Variants in ITGA9 observed in about 807,000 individuals in gnomAD.
ITGA9 encodes the protein integrin subunit alpha 9, also known as integrin alpha-9.
A neutral mutation model predicts 127.8 loss-of-function variants in ITGA9; 56 were observed. The ratio of observed to expected loss-of-function variants is 0.44; its 90% CI spans 0.35 to 0.55. ITGA9 has a LOEUF of 0.55. ITGA9 is among the 20% of genes least tolerant of loss of function. ITGA9 has a pLI of 0.00. For synonymous variants in ITGA9, 508 were observed against 514.5 expected, an observed-to-expected ratio of 0.99 and a Z score of 0.17; for missense variants, 1,196 against 1,347.1, an observed-to-expected ratio of 0.89 and a Z score of 1.76.
chr3:37,768,992 C>T (rs190929277), intron 23 of ITGA9, among the ~76,000 whole-genome samples: 2 of 152,140 alleles, frequency 1.3e-5, no homozygotes, highest in East Asian at 3.9e-4. Flanking sequence ...TGATGGGGTT[C>T]GTACTGGTAA....
At chr3:37,739,856 A>G (rs1466760075) in intron 20 of ITGA9, among the ~76,000 whole-genome samples, 1 of 152,204 alleles carries the variant, frequency 6.6e-6, no homozygotes, top group Non-Finnish European at 1.5e-5. Flanking sequence ...TAACCCATCC[A>G]CAGGGGAGTC....
At chr3:37,675,235 C>T (rs1246270885) in intron 17 of ITGA9, among the ~76,000 whole-genome samples, 2 of 152,130 alleles carry the variant, frequency 1.3e-5, no homozygotes, top group Non-Finnish European at 2.9e-5. Flanking sequence ...AGAGTGGACA[C>T]GTAAATATTC....
chr3:37,602,359 T>G (rs1253877615), intron 15 of ITGA9, among the ~76,000 whole-genome samples: 1 of 152,186 alleles, frequency 6.6e-6, no homozygotes, highest in Non-Finnish European at 1.5e-5. Flanking sequence ...CAGTAACTGT[T>G]TTATGAATAG....
In ITGA9 at chr3:37,506,021, A is replaced by G. The variant is rs749164436; in HGVS notation, c.764A>G (p.His255Arg). Reference protein sequence around the residue: ...TYLGYAVTAGHFSHPSTIDVV... With the variant: ...TYLGYAVTAGRFSHPSTIDVV... ...TCAGGCTACGCAGTGACCGCTGGCC[A>G]CTTCTCTCACCCGTCCACCATTGAT... The change falls in exon 7 of 28, where the codon CAC becomes CGC. Residue 255 changes from histidine (H) to arginine (R), a missense_variant. By Grantham distance (29) the His-to-Arg change is conservative. Transcript: ENST00000264741. 8 of 1,608,674 alleles carry G rather than the reference A, an allele frequency of 5.0e-6. No individual in the cohort carries two copies.
chr3:37,604,587 G>T (rs1699950398), intron 15 of ITGA9, among the ~76,000 whole-genome samples: 1 of 152,214 alleles, frequency 6.6e-6, no homozygotes, highest in South Asian at 2.1e-4. Flanking sequence ...TGAGGGCCTT[G>T]TGTTGCTTTT....
chr3:37,757,480 A>G (rs1332293531), intron 23 of ITGA9, among the ~76,000 whole-genome samples: 2 of 151,756 alleles, frequency 1.3e-5, no homozygotes, highest in Non-Finnish European at 2.9e-5. Context: ...CAGACAAGGA[A>G]GTAAGACCTT....
chr3:37,626,008 C>G (rs1700173076), intron 15 of ITGA9, among the ~76,000 whole-genome samples: 1 of 152,184 alleles, frequency 6.6e-6, no homozygotes, highest in Non-Finnish European at 1.5e-5. Context: ...CCCTACATGT[C>G]CAAATGCATT....
chr3:37,584,730 G>A (rs1699741546), intron 15 of ITGA9, among the ~76,000 whole-genome samples: 1 of 151,948 alleles, frequency 6.6e-6, no homozygotes, highest in African/African-American at 2.4e-5. Flanking sequence ...ACTCCAGCCT[G>A]GGCAACAGAG....
At chr3:37,726,385 G>A (rs1275429605) in intron 18 of ITGA9, among the ~76,000 whole-genome samples, 1 of 152,182 alleles carries the variant, frequency 6.6e-6, no homozygotes, top group Non-Finnish European at 1.5e-5. Flanking sequence ...ACTCTACCTA[G>A]CATTGAGCAT....
At chr3:37,750,667 G>A (rs1575220834) in intron 23 of ITGA9, 98 bp downstream of exon 23, 2 of 882,582 alleles carry the variant, frequency 2.3e-6, no homozygotes, top group East Asian at 4.9e-5. Context: ...TTGAGGGTTT[G>A]GAAAATTCAA....
intron 23 of ITGA9, among the ~76,000 whole-genome samples, chr3:37,762,265 T>C (rs1696731711): frequency 6.6e-6 from 1 of 152,182 alleles, no homozygotes; most frequent in African/African-American, 2.4e-5. Context: ...GGCAGATTAA[T>C]AGGAGAAAAG....
intron 14 of ITGA9, among the ~76,000 whole-genome samples, chr3:37,538,080 C>T (rs1344749258): frequency 6.6e-6 from 1 of 152,194 alleles, no homozygotes; most frequent in Non-Finnish European, 1.5e-5. Context: ...ATCAAGCTGG[C>T]AGTTCTGGGC....
At chr3:37,618,058 T>G (rs1395687568) in intron 15 of ITGA9, among the ~76,000 whole-genome samples, 1 of 152,168 alleles carries the variant, frequency 6.6e-6, no homozygotes, top group South Asian at 2.1e-4. Flanking sequence ...GAGTTTCCAG[T>G]TTTTCTGCTC....
chr3:37,571,505 C>G (rs1488874404), intron 15 of ITGA9, among the ~76,000 whole-genome samples: 1 of 152,162 alleles, frequency 6.6e-6, no homozygotes, highest in African/African-American at 2.4e-5. Flanking sequence ...AGGCCTGTAG[C>G]TTTCATTTGA....
intron 18 of ITGA9, among the ~76,000 whole-genome samples, chr3:37,703,450 T>C (rs900461858): frequency 2.0e-5 from 3 of 152,260 alleles, no homozygotes; most frequent in African/African-American, 7.2e-5. Context: ...TTTAGTCTTC[T>C]CTTTTTTGAC....
intron 18 of ITGA9, among the ~76,000 whole-genome samples, chr3:37,723,173 T>C (rs1433271017): frequency 6.6e-6 from 1 of 152,200 alleles, no homozygotes; most frequent in African/African-American, 2.4e-5. Context: ...CTTATCTTTT[T>C]ATTATTGAGC....
At position 37,512,003 on chromosome 3, in the gene ITGA9, CT is replaced by C. The variant is rs371978941; in HGVS notation, c.898-1756del. Among the ~76,000 whole-genome samples, 198 of 36,090 alleles carry C rather than the reference CT, an allele frequency of 5.5e-3. 2 individuals are homozygous for C. The highest frequency in any genetic ancestry group is 0.02 in the Middle Eastern group (2 of 98). The allele number at this position is 36,090 out of a possible 152,430, so 23.7% of individuals were successfully genotyped here. A position where few individuals can be genotyped will look rare whatever the true frequency, so the allele number is the denominator to read the frequency against. On this transcript the variant is annotated intron_variant, in intron 8 of 27. Transcript: ENST00000264741. ...CTTTTCTTTTCTTTTCTTTTCTTTT[CT>C]TTTCTTTTCTTTTCTTTTCTTTTCT...
intron 16 of ITGA9, among the ~76,000 whole-genome samples, chr3:37,643,099 G>A (rs1465549059): frequency 5.9e-5 from 9 of 152,208 alleles, no homozygotes; most frequent in Non-Finnish European, 1.5e-5. Context: ...TCCTGAGACC[G>A]TGCAAACTGG....
At chr3:37,744,324 A>G (rs1286510989) in intron 22 of ITGA9, among the ~76,000 whole-genome samples, 2 of 152,178 alleles carry the variant, frequency 1.3e-5, no homozygotes, top group African/African-American at 4.8e-5. Flanking sequence ...CCAATGTCCC[A>G]GCCCAGATGA....
Sources: gnomAD v4.1 joint callset for allele counts (sites outside exome capture counted in the v4.1 genomes callset) on GRCh38, gnomAD v4.1.1 for gene constraint, MANE v1.5 for transcripts, NCBI Gene and HGNC (gene_info 2026-07-23, HGNC 2026-07-21) for gene names.